IQSEC3: variants seen among roughly 807,000 people sequenced by gnomAD.
IQSEC3 encodes IQ motif and SEC7 domain-containing protein 3.
In IQSEC3, 50 loss-of-function variants were observed where a neutral mutation model predicts 105.4. That is an observed-to-expected ratio of 0.47 (90% CI 0.38 to 0.60). IQSEC3 has a LOEUF of 0.60. Among genes scored for constraint, IQSEC3 ranks in the 20% least tolerant of loss-of-function variants. The probability of loss-of-function intolerance (pLI) is 0.00; values close to 1 mark genes in which losing one functional copy is unlikely to be tolerated. For missense variants in IQSEC3, 1,415 were observed against 1,630.0 expected (o/e 0.87, Z 2.27); for synonymous variants, 708 against 746.0 (o/e 0.95, Z 0.83).
rs1251544610 is a variant in IQSEC3, at chr12:174,643, G to A, written c.3159G>A (p.Gly1053=). 1 of 1,580,432 alleles carries A rather than the reference G, an allele frequency of 6.3e-7. No homozygotes were observed. The highest frequency in any genetic ancestry group is 8.5e-7 in the Non-Finnish European group (1 of 1,170,580). Reference sequence around the variant, plus strand: ...TTCAAACGTCCCAGCACAACTCCGGGCTGGGGGCCGAGAGGGGAGCGCCGG... The same window carrying A: ...TTCAAACGTCCCAGCACAACTCCGGACTGGGGGCCGAGAGGGGAGCGCCGG... ...NRLQTSQHNS[G]LGAERGAPVP... The change falls in exon 14 of 14, where the codon GGG becomes GGA. Residue 1053 remains glycine (G), a synonymous_variant. Transcript: ENST00000538872.
intron 3 of IQSEC3, chr12:137,614 A>G (rs749027161): frequency 1.3e-5 from 2 of 148,988 alleles, no homozygotes; most frequent in Non-Finnish European, 3.0e-5. Context: ...TTCTGTATGC[A>G]TCTCTGACAT....
At chr12:168,978 G>C (rs782011458) in intron 11 of IQSEC3, 35 bp from the exon 12 acceptor site, 1 of 1,582,482 alleles carries the variant, frequency 6.3e-7, no homozygotes, top group Non-Finnish European at 8.7e-7. Flanking sequence ...TTGAGGTTAA[G>C]GTTTCTCTTG....
chr12:78,514 A>AT (rs113698655), intron 1 of IQSEC3, among the ~76,000 whole-genome samples: 3,505 of 151,742 alleles, frequency 0.023, 158 homozygotes, highest in African/African-American at 0.079. Flanking sequence ...GCAAAAAAAA[A>AT]AAATAAATTT....
intron 2 of IQSEC3, among the ~76,000 whole-genome samples, chr12:102,615 C>T (rs1474895461): frequency 1.3e-5 from 2 of 152,208 alleles, no homozygotes; most frequent in Admixed American, 1.3e-4. Flanking sequence ...CCCGAAGAGG[C>T]AGAGAAGCCT....
In IQSEC3 at chr12:139,147, A is replaced by T; in HGVS notation, c.1784A>T (p.Glu595Val). The change falls in exon 4 of 14, where the codon GAG becomes GTG. Residue 595 changes from glutamate (E) to valine (V), a missense_variant. Physicochemically the swap from Glu to Val is moderately radical, Grantham distance 121. This residue lies in a region of IQSEC3 where 720 missense variants were observed against 633.0 expected (regional missense o/e 1.14). Coordinates refer to ENST00000538872, the MANE Select transcript of IQSEC3 (RefSeq NM_001170738.2). ...GCCGAGGCCGAGGCAGGCGACTTGG[A>T]GCAGCTGAGCAGCAGCAGCACGTCC... ...RGAEAEAGDL[E>V]QLSSSSTSTK... 1 of 1,542,646 alleles carries T rather than the reference A, an allele frequency of 6.5e-7. No individual in the cohort carries two copies. Among genetic ancestry groups the T allele is most frequent in the African/African-American group, 1.4e-5 (1 of 72,958 alleles).
chr12:165,554 G>A lies in IQSEC3; in HGVS notation c.2809+21G>A. On this transcript the variant is annotated intron_variant, in intron 10 of 13. Coordinates refer to ENST00000538872, the MANE Select transcript of IQSEC3 (RefSeq NM_001170738.2). ...CGAGTGTAAGTCTTTGACAGCCAGT[G>A]TAAGTCTTTGAGAAGGAATGAATGG... 4 of 1,605,458 alleles carry A rather than the reference G, an allele frequency of 2.5e-6. No homozygotes were observed. The Admixed American group carries it at 6.7e-5, about 27-fold the overall frequency.
intron 1 of IQSEC3, among the ~76,000 whole-genome samples, chr12:93,345 G>A (rs941998722): frequency 6.6e-6 from 1 of 152,184 alleles, no homozygotes; most frequent in African/African-American, 2.4e-5. Flanking sequence ...CTGCCTCCCA[G>A]GTGGACAGAT....
At chr12:130,091 C>T (rs1444935719) in intron 3 of IQSEC3, among the ~76,000 whole-genome samples, 6 of 152,198 alleles carry the variant, frequency 3.9e-5, no homozygotes, top group African/African-American at 9.7e-5. Context: ...TCCCTCTCCC[C>T]GGTTCATTCA....
rs79849622 is a variant in IQSEC3 at position 151,566 on chromosome 12, T to A, written c.2154-5459T>A. Reference sequence around the variant, plus strand: ...TTCTTCCCTGCCCCTCTGCCATTCATTTTCTCTCCAACAGCCAGGGAAATC... The same window carrying A: ...TTCTTCCCTGCCCCTCTGCCATTCAATTTCTCTCCAACAGCCAGGGAAATC... On this transcript the variant is annotated intron_variant, in intron 5 of 13. Coordinates refer to ENST00000538872, the MANE Select transcript of IQSEC3 (RefSeq NM_001170738.2). 3.9e-5 allele frequency among the ~76,000 whole-genome samples: 6 copies of A among 152,302 alleles called. No individual in the cohort carries two copies. The East Asian group carries it at 9.6e-4, about 24-fold the overall frequency.
chr12:160,871 CTCTG>C (rs1187053779), intron 7 of IQSEC3, among the ~76,000 whole-genome samples: 2 of 152,180 alleles, frequency 1.3e-5, no homozygotes, highest in Non-Finnish European at 2.9e-5. Context: ...TGCCCCTGTT[CTCTG>C]TCTTTGTGGG....
At chr12:72,916 G>C (rs1555067897) in intron 1 of IQSEC3, among the ~76,000 whole-genome samples, 1 of 129,658 alleles carries the variant, frequency 7.7e-6, no homozygotes, top group African/African-American at 2.9e-5. Context: ...CATGGTGGCG[G>C]GCGCCTGTAG....
intron 1 of IQSEC3, among the ~76,000 whole-genome samples, chr12:95,923 A>G (rs1228301650): frequency 3.9e-5 from 6 of 152,146 alleles, no homozygotes; most frequent in African/African-American, 7.2e-5. Context: ...CCACCACCAC[A>G]CTAAAAACAA....
At chr12:90,643 G>T (rs1864054840) in intron 1 of IQSEC3, among the ~76,000 whole-genome samples, 1 of 152,084 alleles carries the variant, frequency 6.6e-6, no homozygotes, top group African/African-American at 2.4e-5. Context: ...TATATGTATG[G>T]ATCTATTTCT....
chr12:138,800 G>T lies in IQSEC3; in HGVS notation c.1437G>T (p.Gly479=). The part of the protein sequence containing the change: ...ETPGLPPAHS[G]TLMMAFRDVT... The stretch of plus-strand genomic sequence containing the variant: ...CCGGCCTGCCCCCGGCCCACAGCGG[G>T]ACCCTCATGATGGCTTTCCGGGACG... Residue 479 remains glycine, a synonymous_variant, in exon 4 of 14, where the codon GGG becomes GGT. Transcript: ENST00000538872. The surrounding 1 kb of genome is among the most constrained non-coding windows in gnomAD (Gnocchi z 7.1). The T allele has an allele frequency of 1.2e-6, 2 of 1,607,620 alleles. No individual in the cohort carries two copies. The highest frequency in any genetic ancestry group is 1.7e-6 in the Non-Finnish European group (2 of 1,178,562).
chr12:100,854 G>A (rs1555075988), intron 2 of IQSEC3, among the ~76,000 whole-genome samples: 1 of 152,124 alleles, frequency 6.6e-6, no homozygotes, highest in Non-Finnish European at 1.5e-5. Flanking sequence ...AGAGGAGAGC[G>A]TGGAGATGTG....
At chr12:74,953 T>C (rs1462247591) in intron 1 of IQSEC3, among the ~76,000 whole-genome samples, 1 of 152,256 alleles carries the variant, frequency 6.6e-6, no homozygotes, top group African/African-American at 2.4e-5. Context: ...AAAGAGCCCA[T>C]CAGGGCTGCT....
chr12:123,199 G>A (rs1555082276), intron 2 of IQSEC3, among the ~76,000 whole-genome samples: 2 of 152,190 alleles, frequency 1.3e-5, no homozygotes, highest in Admixed American at 1.3e-4. Flanking sequence ...GAGCCCAGGA[G>A]TTCAAGACTA....
At chr12:144,677 C>G (rs1866189378) in intron 5 of IQSEC3, 1 of 152,208 alleles carries the variant, frequency 6.6e-6, no homozygotes, top group Non-Finnish European at 1.5e-5. Context: ...CGGCCCTCAG[C>G]GCTCTTGGAA....
chr12:77,884 G>T (rs1169406069), intron 1 of IQSEC3, among the ~76,000 whole-genome samples: 1 of 150,946 alleles, frequency 6.6e-6, no homozygotes, highest in South Asian at 2.1e-4. Context: ...ACGTGGAGTC[G>T]GGATCTCGGC....
Sources: allele counts gnomAD v4.1 joint callset (sites outside exome capture counted in the v4.1 genomes callset), GRCh38; gene constraint gnomAD v4.1.1; regional missense constraint gnomAD v4.1.1; non-coding constraint Gnocchi (gnomAD v3.1); transcripts MANE v1.5; gene names NCBI Gene and HGNC (gene_info 2026-07-23, HGNC 2026-07-21).